The following ANK3 variants were observed in gnomAD, a reference collection of about 807,000 sequenced individuals.
The protein encoded by ANK3 is ankyrin 3, also known as ankyrin-3.
In ANK3, 57 loss-of-function variants were observed where a neutral mutation model predicts 370.9. The observed-to-expected ratio is 0.15, with a 90% CI of 0.12 to 0.19. ANK3 has a LOEUF of 0.19. Ranked by LOEUF, ANK3 falls within the 10% of genes least tolerant of loss-of-function variation. The pLI is 1.00. For synonymous variants in ANK3, 1,929 were observed against 1,946.3 expected, an observed-to-expected ratio of 0.99 and a Z score of 0.23; for missense variants, 4,439 against 5,302.1, an observed-to-expected ratio of 0.84 and a Z score of 5.06.
intron 1 of ANK3, among the ~76,000 whole-genome samples, chr10:60,307,369 G>A (rs1186762692): frequency 1.3e-5 from 2 of 152,080 alleles, no homozygotes; most frequent in Non-Finnish European, 2.9e-5. Context: ...GTCCCAGTCT[G>A]TCACCCAGGC....
chr10:60,135,812 C>A (rs1024697642), intron 24 of ANK3, among the ~76,000 whole-genome samples: 2 of 152,078 alleles, frequency 1.3e-5, no homozygotes, highest in Admixed American at 1.3e-4. Flanking sequence ...AGGTACAGAG[C>A]CTCCTGACAT....
intron 2 of ANK3, among the ~76,000 whole-genome samples, chr10:60,500,539 T>C (rs370787171): frequency 3.4e-4 from 51 of 152,172 alleles, no homozygotes; most frequent in African/African-American, 1.2e-3. Flanking sequence ...ATCCCAACAG[T>C]AAGTGCAGAT....
rs766647726 is a variant in ANK3, at chr10:60,181,365, G to C, written c.2148C>G (p.Leu716=). 8 of 1,614,102 alleles carry C rather than the reference G, an allele frequency of 5.0e-6. No individual in the cohort carries two copies. The highest frequency in any genetic ancestry group is 5.9e-6 in the Non-Finnish European group (7 of 1,180,014). Residue 716 remains leucine (L), a synonymous_variant, in exon 18 of 44, where the codon CTC becomes CTG. Coordinates refer to ENST00000280772, the MANE Select transcript of ANK3 (RefSeq NM_020987.5). ...QEDRVNVAEV[L]VNQGAHVDAQ... is the part of the protein sequence containing the mutation. Reference sequence around the variant, plus strand: ...CGTCCACATGAGCCCCTTGGTTTACGAGGACTTCTGCCACATTCACTCGAT... The same window carrying C: ...CGTCCACATGAGCCCCTTGGTTTACCAGGACTTCTGCCACATTCACTCGAT...
intron 1 of ANK3, among the ~76,000 whole-genome samples, chr10:60,329,490 T>C (rs1007968334): frequency 6.6e-6 from 1 of 151,944 alleles, no homozygotes; most frequent in African/African-American, 2.4e-5. Context: ...ACACCAATAA[T>C]AGACAAACAT....
chr10:60,263,650 C>A (rs368548299), intron 6 of ANK3, among the ~76,000 whole-genome samples, 185 bp downstream of exon 6: 3 of 152,282 alleles, frequency 2.0e-5, no homozygotes, highest in African/African-American at 7.2e-5. Context: ...ATTCCCCTCA[C>A]CCCCCAACTT....
upstream of ANK3, among the ~76,000 whole-genome samples, chr10:60,390,474 T>C (rs973864283): frequency 6.6e-6 from 1 of 152,148 alleles, no homozygotes; most frequent in Non-Finnish European, 1.5e-5. Flanking sequence ...AGGGTTTGCT[T>C]CAATCACCTT....
intron 42 of ANK3, chr10:60,043,633 G>A (rs2076481474): frequency 1.0e-6 from 1 of 985,298 alleles, no homozygotes; most frequent in African/African-American, 1.7e-5. Context: ...GAAAATGTAT[G>A]GATCCGATGT....
At chr10:60,610,665 T>TA (rs56852878) in intron 2 of ANK3, among the ~76,000 whole-genome samples, 105,532 of 151,954 alleles carry the variant, frequency 0.69, 36,908 homozygotes, top group South Asian at 0.88. Context: ...CCAGGGCAAA[T>TA]AATATCCTCA....
intron 2 of ANK3, among the ~76,000 whole-genome samples, chr10:60,459,647 A>T (rs989477123): frequency 1.2e-4 from 18 of 152,074 alleles, no homozygotes; most frequent in South Asian, 8.3e-4. Context: ...GCTGGATTTT[A>T]AAACTGTTTC....
intron 1 of ANK3, among the ~76,000 whole-genome samples, chr10:60,288,442 T>C (rs577080388): frequency 6.6e-6 from 1 of 152,252 alleles, no homozygotes; most frequent in South Asian, 2.1e-4. Context: ...CAGAAGTTCA[T>C]AAAGTCAGAG....
chr10:60,430,876 C>T (rs375636595), intron 2 of ANK3, among the ~76,000 whole-genome samples: 8 of 152,244 alleles, frequency 5.3e-5, no homozygotes, highest in African/African-American at 1.9e-4. Flanking sequence ...AAAGGAACAG[C>T]CTCTCTGAGA....
chr10:60,221,722 T>C (rs1024698671), intron 8 of ANK3, among the ~76,000 whole-genome samples: 1 of 152,138 alleles, frequency 6.6e-6, no homozygotes, highest in African/African-American at 2.4e-5. Context: ...GGACTATGAG[T>C]GCTGGCTCTA....
At chr10:60,344,885 ATGTGT>A (rs1240646351) in intron 1 of ANK3, among the ~76,000 whole-genome samples, 4 of 152,212 alleles carry the variant, frequency 2.6e-5, no homozygotes, top group African/African-American at 9.6e-5. Flanking sequence ...ATTTAAAGAA[ATGTGT>A]TGCGTGTGAA....
At chr10:60,327,847 G>C (rs554671580) in intron 1 of ANK3, among the ~76,000 whole-genome samples, 6 of 152,160 alleles carry the variant, frequency 3.9e-5, no homozygotes, top group Non-Finnish European at 7.3e-5. Context: ...CTAGTAAACT[G>C]TATTGTTAAA....
intron 25 of ANK3, among the ~76,000 whole-genome samples, chr10:60,115,881 T>C (rs2093044656): frequency 1.3e-5 from 2 of 152,090 alleles, no homozygotes; most frequent in South Asian, 2.1e-4. Context: ...GAAAAGATAA[T>C]GGCTATGAAT....
chr10:60,395,586 T>C (rs137978024), intron 2 of ANK3, among the ~76,000 whole-genome samples: 133 of 125,508 alleles, frequency 1.1e-3, no homozygotes, highest in African/African-American at 4.1e-3. Context: ...CTTTCTTTCT[T>C]TCTTTCTTTC....
chr10:60,473,771 T>C (rs560438017), intron 2 of ANK3, among the ~76,000 whole-genome samples: 3 of 152,142 alleles, frequency 2.0e-5, no homozygotes, highest in Non-Finnish European at 4.4e-5. Flanking sequence ...TAATATGACT[T>C]GGCAAATTAC....
At chr10:60,444,548 A>C (rs770039189) in intron 2 of ANK3, among the ~76,000 whole-genome samples, 1 of 151,918 alleles carries the variant, frequency 6.6e-6, no homozygotes, top group Non-Finnish European at 1.5e-5. Flanking sequence ...CCATTCACCC[A>C]CTTTTCTGCC....
intron 2 of ANK3, among the ~76,000 whole-genome samples, chr10:60,541,494 A>G (rs2076847992): frequency 6.6e-6 from 1 of 152,022 alleles, no homozygotes; most frequent in South Asian, 2.1e-4. Flanking sequence ...GCTCTGCAAT[A>G]CTGTAAAGAA....
Sources: gnomAD v4.1 joint callset for allele counts (sites outside exome capture counted in the v4.1 genomes callset) on GRCh38, gnomAD v4.1.1 for gene constraint, MANE v1.5 for transcripts, NCBI Gene and HGNC (gene_info 2026-07-23, HGNC 2026-07-21) for gene names.